The following VPS13C variants were observed in gnomAD, a reference collection of about 807,000 sequenced individuals.
VPS13C encodes vacuolar protein sorting 13 homolog C.
Under a neutral mutation model 456.8 loss-of-function variants are expected in VPS13C, and 358 were observed. That is an observed-to-expected ratio of 0.78 (90% CI 0.72 to 0.86). The LOEUF is 0.86. Ranked by LOEUF, VPS13C falls within the 40% of genes least tolerant of loss-of-function variation. The pLI, the probability that VPS13C is intolerant of heterozygous loss-of-function variation, is 0.00. For missense variants in VPS13C, 4,818 were observed against 4,385.4 expected (o/e 1.10, Z -2.79); for synonymous variants, 1,578 against 1,486.7 (o/e 1.06, Z -1.41).
intron 16 of VPS13C, among the ~76,000 whole-genome samples, chr15:61,992,371 C>A (rs1308208210): frequency 6.6e-6 from 1 of 152,018 alleles, no homozygotes; most frequent in African/African-American, 2.4e-5. Context: ...GGATGAATAA[C>A]CAAAAGGCAG....
chr15:61,972,984 G>C (rs761962291), intron 26 of VPS13C, among the ~76,000 whole-genome samples: 7 of 152,030 alleles, frequency 4.6e-5, no homozygotes, highest in Non-Finnish European at 7.4e-5. Flanking sequence ...TTTCTTCAAT[G>C]GTTCTGTTTT....
At chr15:61,943,120 G>A (rs565047874) in intron 45 of VPS13C, among the ~76,000 whole-genome samples, 181 of 152,218 alleles carry the variant, frequency 1.2e-3, no homozygotes, top group Middle Eastern at 6.8e-3. Flanking sequence ...AATCACAGAT[G>A]ACACAGACAA....
intron 11 of VPS13C, among the ~76,000 whole-genome samples, chr15:62,012,440 TC>T (rs1235924169): frequency 6.6e-6 from 1 of 151,982 alleles, no homozygotes; most frequent in Non-Finnish European, 1.5e-5. Flanking sequence ...TATATGTATA[TC>T]CATACACTGC....
In VPS13C at chr15:61,972,638, A is replaced by T. The variant is rs779668767; in HGVS notation, c.2744T>A (p.Phe915Tyr). The change falls in exon 27 of 85, where the codon TTT becomes TAT. Residue 915 changes from phenylalanine to tyrosine, a missense_variant. Coordinates refer to ENST00000644861, the MANE Select transcript of VPS13C (RefSeq NM_020821.3). ...NEELINLLLK[F>Y]EIKEVILEFT... ...AAAAGCACATACTTCTTTAATTTCA[A>T]ACTTGAGTAGAAGATTGATGAGCTC... 1.2e-6 allele frequency: 2 copies of T among 1,612,858 alleles called. No homozygotes were observed. The highest frequency in any genetic ancestry group is 1.7e-6 in the Non-Finnish European group (2 of 1,179,478).
intron 62 of VPS13C, among the ~76,000 whole-genome samples, chr15:61,912,856 T>C (rs1361876841): frequency 2.8e-4 from 39 of 141,108 alleles, no homozygotes; most frequent in Admixed American, 6.9e-4. Context: ...TGTGTTCTCA[T>C]TGTTCAATTC....
intron 5 of VPS13C, 146 bp from the exon 6 acceptor site, chr15:62,028,566 T>G: frequency 1.4e-6 from 1 of 707,666 alleles, no homozygotes; most frequent in African/African-American, 1.8e-5. Flanking sequence ...CCAAAACTAT[T>G]TTATTTCTGA....
intron 52 of VPS13C, among the ~76,000 whole-genome samples, chr15:61,926,036 G>T (rs1381837434): frequency 1.3e-5 from 2 of 152,118 alleles, no homozygotes; most frequent in African/African-American, 4.8e-5. Flanking sequence ...TATCATTAAA[G>T]AAACGAATAA....
Position 61,910,210 on chromosome 15 carries a change from C to G in VPS13C, c.8811G>C (p.Gln2937His), listed in dbSNP as rs1311861539. 1 of 1,481,744 alleles carries G rather than the reference C, an allele frequency of 6.7e-7. No individual in the cohort carries two copies. Among genetic ancestry groups the G allele is most frequent in the Non-Finnish European group, 9.0e-7 (1 of 1,107,122 alleles). 91.8% of individuals were successfully genotyped at this position (1,481,744 alleles called of 1,614,324 possible). ...GSSKPFFYNR[Q>H]DNGTLLSLED... Reference sequence around the variant, plus strand: ...CTAAGCTCAATAAAGTGCCATTATCCTGTCGGTTATAAAAGAATGGTTTGG... The same window carrying G: ...CTAAGCTCAATAAAGTGCCATTATCGTGTCGGTTATAAAAGAATGGTTTGG... The change falls in exon 64 of 85, where the codon CAG (glutamine) becomes CAC (histidine). Residue 2937 changes from glutamine to histidine, a missense_variant. This residue lies in a region of VPS13C where 4,552 missense variants were observed against 4,130.6 expected (regional missense o/e 1.10). Transcript: ENST00000644861.
chr15:61,854,685 G>T, intron 84 of VPS13C, 127 bp from the exon 85 acceptor site: 2 of 1,058,870 alleles, frequency 1.9e-6, no homozygotes, highest in Non-Finnish European at 2.8e-6. Context: ...CAAGGATACA[G>T]TCCAGATGTG....
chr15:61,974,383 C>A lies in VPS13C; in HGVS notation c.2443G>T (p.Val815Leu). 6.2e-7 allele frequency: 1 copy of A among 1,612,618 alleles called. No homozygotes were observed. The highest frequency in any genetic ancestry group is 8.5e-7 in the Non-Finnish European group (1 of 1,179,006). Reference protein sequence around the residue: ...KVSGGLPLMHVRISDQKMKDV... With the variant: ...KVSGGLPLMHLRISDQKMKDV... ...TTCATCTTCTGGTCAGAAATTCTCA[C>A]ATGCATCAAAGGAAGTCCTCCTGAC... Residue 815 changes from valine (V) to leucine (L), a missense_variant, in exon 25 of 85, where the codon GTG becomes TTG. Transcript: ENST00000644861.
chr15:61,930,076 G>C (rs559347736), intron 50 of VPS13C, among the ~76,000 whole-genome samples: 34 of 152,098 alleles, frequency 2.2e-4, no homozygotes, highest in Middle Eastern at 3.4e-3. Flanking sequence ...AAGGAATTTG[G>C]GCAATTAACA....
rs781299541 is a variant in VPS13C, at chr15:61,920,605, C to T, written c.7105G>A (p.Asp2369Asn). 2 of 1,592,954 alleles carry T rather than the reference C, an allele frequency of 1.3e-6. No individual in the cohort carries two copies. The highest frequency in any genetic ancestry group is 1.4e-5 in the African/African-American group (1 of 73,422). The change falls in exon 56 of 85, where the codon GAT becomes AAT. Residue 2369 changes from aspartate to asparagine, a missense_variant. Coordinates refer to ENST00000644861, the MANE Select transcript of VPS13C (RefSeq NM_020821.3). ...ATTTGTGGCTCAGGAATAAAATCAT[C>T]TCCTGGCAGCAAACTTTTATCCTGA... ...PVQDKSLLPG[D>N]DFIPEPQMAI... is the part of the protein sequence containing the mutation.
At chr15:62,036,014 C>A (rs186842451) in intron 3 of VPS13C, among the ~76,000 whole-genome samples, 3 of 152,152 alleles carry the variant, frequency 2.0e-5, no homozygotes, top group Non-Finnish European at 4.4e-5. Context: ...AGTATCCCCT[C>A]GTTCCAGGTC....
chr15:61,852,798 CAG>C lies in VPS13C; in HGVS notation c.*1657_*1658del, dbSNP rs1893714338. On this transcript the variant is annotated 3_prime_UTR_variant, in exon 85 of 85. Transcript: ENST00000644861. ...ATAATTTTGAAAAAGTAATGACAAA[CAG>C]AGATCAAACATTTAGGGCATTAGTT... 1 of 151,948 alleles carries C rather than the reference CAG, an allele frequency of 6.6e-6. No homozygotes were observed. The highest frequency in any genetic ancestry group is 2.4e-5 in the African/African-American group (1 of 41,364). The allele number at this position is 151,948 out of a possible 1,614,324, so 9.4% of individuals were successfully genotyped here.
intron 66 of VPS13C, among the ~76,000 whole-genome samples, chr15:61,895,049 G>T (rs1470977239): frequency 6.6e-6 from 1 of 151,912 alleles, no homozygotes; most frequent in East Asian, 1.9e-4. Context: ...AATAAAACTA[G>T]AAAGCAATAA....
At chr15:61,995,312 G>A (rs1025768311) in intron 16 of VPS13C, among the ~76,000 whole-genome samples, 3 of 152,156 alleles carry the variant, frequency 2.0e-5, no homozygotes, top group African/African-American at 7.2e-5. Flanking sequence ...ACAATTTGGA[G>A]AGTGACCTGC....
chr15:62,058,906 G>C (rs2048893109), intron 1 of VPS13C, among the ~76,000 whole-genome samples: 1 of 143,426 alleles, frequency 7.0e-6, no homozygotes, highest in African/African-American at 2.6e-5. Flanking sequence ...AACAGAGCAA[G>C]TCCTTGTCTC....
chr15:61,972,393 G>C (rs1403367607), intron 27 of VPS13C, among the ~76,000 whole-genome samples: 1 of 152,152 alleles, frequency 6.6e-6, no homozygotes, highest in African/African-American at 2.4e-5. Context: ...AATTAGATAT[G>C]CCACAGATCA....
intron 9 of VPS13C, among the ~76,000 whole-genome samples, chr15:62,016,447 G>T (rs999009656): frequency 3.3e-5 from 4 of 119,940 alleles, no homozygotes; most frequent in African/African-American, 1.3e-4. Flanking sequence ...ACAGGCCCCA[G>T]TGTGTGATAT....
Sources: gnomAD v4.1 joint callset for allele counts (sites outside exome capture counted in the v4.1 genomes callset) on GRCh38, gnomAD v4.1.1 for gene constraint, gnomAD v4.1.1 regional missense constraint, MANE v1.5 for transcripts, NCBI Gene and HGNC (gene_info 2026-07-23, HGNC 2026-07-21) for gene names.